Variants in JAK2 observed in about 807,000 individuals in gnomAD.
JAK2 encodes Janus kinase 2, also known as tyrosine-protein kinase JAK2.
In JAK2, 86 loss-of-function variants were observed where a neutral mutation model predicts 139.3. The ratio of observed to expected loss-of-function variants is 0.62; its 90% CI spans 0.52 to 0.74. The LOEUF (loss-of-function observed/expected upper bound fraction) is 0.74, where lower values mean the gene tolerates loss of function less well. Among genes scored for constraint, JAK2 ranks in the 30% least tolerant of loss-of-function variants. JAK2 has a pLI of 0.00. For synonymous variants in JAK2, 490 were observed against 437.7 expected, an observed-to-expected ratio of 1.12 and a Z score of -1.49; for missense variants, 1,421 against 1,360.3, an observed-to-expected ratio of 1.04 and a Z score of -0.70.
At chr9:5,006,931 G>T (rs1468227217) in intron 2 of JAK2, among the ~76,000 whole-genome samples, 1 of 152,094 alleles carries the variant, frequency 6.6e-6, no homozygotes, top group Non-Finnish European at 1.5e-5. Flanking sequence ...GAATATTCCT[G>T]TTGTCTTTTA....
chr9:5,066,537 G>T, intron 9 of JAK2, 141 bp from the exon 10 acceptor site: 1 of 541,580 alleles, frequency 1.8e-6, no homozygotes, highest in Middle Eastern at 4.9e-4. Context: ...TTTTTCCTTT[G>T]AAAGATTATT....
At chr9:5,098,454 C>G (rs558406584) in intron 22 of JAK2, 2 of 152,248 alleles carry the variant, frequency 1.3e-5, no homozygotes, top group East Asian at 1.9e-4. Context: ...GTTCCTGGTT[C>G]TATACATTAT....
At chr9:5,098,378 C>G (rs1276095568) in intron 22 of JAK2, 1 of 152,178 alleles carries the variant, frequency 6.6e-6, no homozygotes. Context: ...CAAGACGCTA[C>G]ATCCCCTATC....
chr9:5,081,985 T>C, intron 19 of JAK2, 124 bp downstream of exon 19: 1 of 777,230 alleles, frequency 1.3e-6, no homozygotes, highest in Non-Finnish European at 2.1e-6. Context: ...AAGGTTTGGT[T>C]GTCAGATGTT....
intron 4 of JAK2, chr9:5,040,854 G>A (rs1816440338): frequency 4.4e-6 from 1 of 228,178 alleles, no homozygotes; most frequent in Non-Finnish European, 8.8e-6. Flanking sequence ...AGCGCGAGCA[G>A]GAGAGGGGCC....
intron 2 of JAK2, among the ~76,000 whole-genome samples, chr9:4,999,128 G>A (rs1820781798): frequency 6.6e-6 from 1 of 152,070 alleles, no homozygotes; most frequent in Admixed American, 6.5e-5. Flanking sequence ...CCCGGGCTCA[G>A]GAGGTCTTTT....
chr9:5,032,815 T>G (rs538485603), intron 4 of JAK2, among the ~76,000 whole-genome samples: 1 of 152,118 alleles, frequency 6.6e-6, no homozygotes, highest in Admixed American at 6.5e-5. Flanking sequence ...GCAGAAAAAC[T>G]GGAAACTCTA....
intron 22 of JAK2, chr9:5,112,575 G>T: frequency 1.5e-6 from 1 of 674,522 alleles, no homozygotes. Context: ...AGCGGCTGCG[G>T]GTCCCTTAAG....
chr9:5,127,748 G>T lies in JAK2; in HGVS notation c.*957G>T, dbSNP rs1310505810. The T allele has an allele frequency of 1.7e-5, 4 of 232,328 alleles. No homozygotes were observed. The highest frequency in any genetic ancestry group is 3.4e-5 in the Non-Finnish European group (4 of 117,214). The allele number at this position is 232,328 out of a possible 1,614,324, so 14.4% of individuals were successfully genotyped here. On this transcript the variant is annotated 3_prime_UTR_variant, in exon 25 of 25. Coordinates refer to ENST00000381652, the MANE Select transcript of JAK2 (RefSeq NM_004972.4). ...CTTAAGCCATAAAATAGATTAGATT[G>T]TTTTTTAAAAATGGATAGCTCATTA... is the stretch of plus-strand genomic sequence containing the variant.
intron 8 of JAK2, among the ~76,000 whole-genome samples, chr9:5,061,136 T>A (rs138996902): frequency 3.6e-4 from 55 of 152,336 alleles, no homozygotes; most frequent in African/African-American, 1.3e-3. Flanking sequence ...GTTGTTCCAT[T>A]TATAGAGCAC....
Position 5,123,832 on chromosome 9 carries a change from A to AT in JAK2, c.3177+720dup, listed in dbSNP as rs1011937902. On this transcript the variant is annotated intron_variant, in intron 23 of 24. Transcript: ENST00000381652. ...ACATCTGTTATTTTTTCTCTCTCTC[A>AT]TTTTTTTTTCCATTCTGACTGGAGT... Among the ~76,000 whole-genome samples, 25 of 142,886 alleles carry AT rather than the reference A, an allele frequency of 1.7e-4. No individual in the cohort carries two copies. In the East Asian group the frequency reaches 1.8e-3, roughly 10 times the overall value. 93.7% of individuals were successfully genotyped at this position (142,886 alleles called of 152,430 possible).
chr9:5,093,922 G>C (rs117300819), intron 22 of JAK2, among the ~76,000 whole-genome samples: 1,729 of 152,172 alleles, frequency 0.011, 17 homozygotes, highest in Non-Finnish European at 0.018. Flanking sequence ...CTCCTAGTAT[G>C]AAAGGACAAG....
At position 4,985,428 on chromosome 9, in the gene JAK2, G is replaced by A. The variant is rs1453821436; in HGVS notation, c.-311G>A. 2.6e-5 allele frequency: 4 copies of A among 152,508 alleles called. No homozygotes were observed. Among genetic ancestry groups the A allele is most frequent in the Non-Finnish European group, 5.9e-5 (4 of 68,268 alleles). The allele number at this position is 152,508 out of a possible 1,614,324, so 9.4% of individuals were successfully genotyped here. On this transcript the variant is annotated 5_prime_UTR_variant, in exon 1 of 25. Transcript: ENST00000381652. ...GCGGCGCGCGTCGGGGCTGAGGGCT[G>A]CTGCGGCGCAGGGAGAGGCCTGGTC... is the stretch of plus-strand genomic sequence containing the variant.
At chr9:5,026,491 G>T (rs949721133) in intron 3 of JAK2, among the ~76,000 whole-genome samples, 1 of 152,084 alleles carries the variant, frequency 6.6e-6, no homozygotes, top group South Asian at 2.1e-4. Context: ...TTTGTCATTT[G>T]TGCCGTTTCT....
At chr9:5,116,851 G>A (rs1215758371) in intron 22 of JAK2, among the ~76,000 whole-genome samples, 1 of 152,178 alleles carries the variant, frequency 6.6e-6, no homozygotes, top group Non-Finnish European at 1.5e-5. Context: ...GTATAATATG[G>A]CACTTTCAAT....
chr9:5,001,261 T>G (rs1305743478), intron 2 of JAK2, among the ~76,000 whole-genome samples: 1 of 152,206 alleles, frequency 6.6e-6, no homozygotes, highest in African/African-American at 2.4e-5. Flanking sequence ...GAGCATCCTT[T>G]CCTTGTTCCT....
chr9:5,096,467 A>T (rs1376856709), intron 22 of JAK2, among the ~76,000 whole-genome samples: 1 of 152,082 alleles, frequency 6.6e-6, no homozygotes, highest in African/African-American at 2.4e-5. Flanking sequence ...TACCCTAATC[A>T]ACTGGCTTCA....
chr9:4,992,256 G>T (rs1820298728), intron 2 of JAK2, among the ~76,000 whole-genome samples: 1 of 152,162 alleles, frequency 6.6e-6, no homozygotes, highest in African/African-American at 2.4e-5. Context: ...TCACAATATG[G>T]TGGCTTCAGG....
At position 5,089,790 on chromosome 9, in the gene JAK2, A is replaced by C; in HGVS notation, c.2688A>C (p.Glu896Asp). The C allele has an allele frequency of 6.3e-7, 1 of 1,599,902 alleles. No individual in the cohort carries two copies. The highest frequency in any genetic ancestry group is 8.5e-7 in the Non-Finnish European group (1 of 1,173,314). Residue 896 changes from glutamate to aspartate, a missense_variant, in exon 20 of 25, where the codon GAA becomes GAC. Physicochemically the swap from Glu to Asp is conservative, Grantham distance 45. Transcript: ENST00000381652. ...CTGAAGAGCACCTAAGAGACTTTGAAAGGGAAATTGAAATCCTGAAATCCC... is the reference window on the plus strand; with the variant it reads ...CTGAAGAGCACCTAAGAGACTTTGACAGGGAAATTGAAATCCTGAAATCCC... ...HSTEEHLRDF[E>D]REIEILKSLQ...
Sources: allele counts gnomAD v4.1 joint callset (sites outside exome capture counted in the v4.1 genomes callset), GRCh38; gene constraint gnomAD v4.1.1; transcripts MANE v1.5; gene names NCBI Gene and HGNC (gene_info 2026-07-23, HGNC 2026-07-21).